Variants in NPR3 observed in about 807,000 individuals in gnomAD.
The protein encoded by NPR3 is natriuretic peptide receptor 3.
A neutral mutation model predicts 54.5 loss-of-function variants in NPR3; 34 were observed. That is an observed-to-expected ratio of 0.62 (90% CI 0.47 to 0.83). The LOEUF (loss-of-function observed/expected upper bound fraction) is 0.83, where lower values mean the gene tolerates loss of function less well. Among genes scored for constraint, NPR3 ranks in the 40% least tolerant of loss-of-function variants. The pLI, the probability that NPR3 is intolerant of heterozygous loss-of-function variation, is 0.00. For synonymous variants in NPR3, 289 were observed against 297.1 expected (o/e 0.97, Z 0.28); for missense variants, 674 against 720.8 (o/e 0.94, Z 0.74).
intron 2 of NPR3, among the ~76,000 whole-genome samples, chr5:32,728,857 A>ATG (rs1739291082): frequency 2.4e-5 from 3 of 125,542 alleles, no homozygotes; most frequent in African/African-American, 1.0e-4. Context: ...ATATATATAT[A>ATG]TATATATATA....
upstream of NPR3, among the ~76,000 whole-genome samples, chr5:32,708,454 T>A (rs956003525): frequency 2.6e-5 from 4 of 152,118 alleles, no homozygotes; most frequent in South Asian, 2.1e-4. Context: ...TATATATATA[T>A]AAAAATTTGA....
chr5:32,693,187 C>T (rs546194231), intron 1 of NPR3, among the ~76,000 whole-genome samples: 13 of 152,052 alleles, frequency 8.5e-5, no homozygotes, highest in African/African-American at 2.2e-4. Flanking sequence ...ATGACTGTAT[C>T]GGAATGTTCT....
At chr5:32,734,729 T>C (rs1317158751) in intron 2 of NPR3, among the ~76,000 whole-genome samples, 1 of 152,248 alleles carries the variant, frequency 6.6e-6, no homozygotes, top group East Asian at 1.9e-4. Flanking sequence ...TGGTAGCCAC[T>C]AGCCACATGT....
intron 1 of NPR3, among the ~76,000 whole-genome samples, chr5:32,714,419 CG>C (rs1738440083): frequency 6.6e-6 from 1 of 151,850 alleles, no homozygotes. Context: ...TGGTGCGCCC[CG>C]GGCTTCTGAG....
At chr5:32,729,562 C>T (rs531485963) in intron 2 of NPR3, among the ~76,000 whole-genome samples, 1 of 152,254 alleles carries the variant, frequency 6.6e-6, no homozygotes, top group African/African-American at 2.4e-5. Flanking sequence ...TGTATGAACA[C>T]CATAGGTTTT....
At chr5:32,723,953 A>G (rs1210613874) in intron 1 of NPR3, among the ~76,000 whole-genome samples, 1 of 151,950 alleles carries the variant, frequency 6.6e-6, no homozygotes, top group Non-Finnish European at 1.5e-5. Context: ...ATCAATCAAT[A>G]TATGTGTACA....
intron 6 of NPR3, chr5:32,783,504 A>G (rs1742446770): frequency 6.5e-6 from 1 of 152,788 alleles, no homozygotes; most frequent in African/African-American, 2.4e-5. Flanking sequence ...GTAGAGAAGC[A>G]ATTGGATGTT....
In NPR3 at chr5:32,712,412, C is replaced by T. The variant is rs2111842714; in HGVS notation, c.636C>T (p.Asn212=). The stretch of plus-strand genomic sequence containing the variant: ...ACAGCGACGACAAGCTGGAGCGGAA[C>T]TGCTACTTCACCCTCGAGGGGGTCC... ...LVYSDDKLER[N]CYFTLEGVHE... is the part of the protein sequence containing the mutation. The change falls in exon 1 of 8, where the codon AAC becomes AAT. Residue 212 remains asparagine, a synonymous_variant. Coordinates refer to ENST00000265074, the MANE Select transcript of NPR3 (RefSeq NM_001204375.2). The T allele has an allele frequency of 7.4e-6, 12 of 1,613,352 alleles. No homozygotes were observed. The highest frequency in any genetic ancestry group is 2.2e-5 in the East Asian group (1 of 44,870).
chr5:32,755,049 A>T (rs1011254481), intron 3 of NPR3, among the ~76,000 whole-genome samples: 1 of 152,062 alleles, frequency 6.6e-6, no homozygotes, highest in South Asian at 2.1e-4. Context: ...TTTAGTAGAG[A>T]TGGGGTTTCA....
intron 2 of NPR3, among the ~76,000 whole-genome samples, chr5:32,729,356 G>A (rs899847479): frequency 6.6e-6 from 1 of 152,040 alleles, no homozygotes; most frequent in Non-Finnish European, 1.5e-5. Context: ...ATCACATGAA[G>A]TCAGGTGTGG....
rs1260688976 is a variant in NPR3, at chr5:32,787,743, A to C, written c.*1398A>C. The C allele has an allele frequency of 6.6e-6, 1 of 152,198 alleles. No individual in the cohort carries two copies. The highest frequency in any genetic ancestry group is 1.5e-5 in the Non-Finnish European group (1 of 68,042). The allele number at this position is 152,198 out of a possible 1,614,324, so 9.4% of individuals were successfully genotyped here. On this transcript the variant is annotated 3_prime_UTR_variant, in exon 8 of 8. Coordinates refer to ENST00000265074, the MANE Select transcript of NPR3 (RefSeq NM_001204375.2). ...ATCTGCTTTGCACCCAGTAGTCTGCAACATGAGTTTAAACTCAGGTTACTA... is the reference window on the plus strand; with the variant it reads ...ATCTGCTTTGCACCCAGTAGTCTGCCACATGAGTTTAAACTCAGGTTACTA...
At chr5:32,742,577 T>G (rs1372420840) in intron 3 of NPR3, among the ~76,000 whole-genome samples, 1 of 152,170 alleles carries the variant, frequency 6.6e-6, no homozygotes, top group African/African-American at 2.4e-5. Flanking sequence ...ATTAAAACTT[T>G]AAATGGCCTT....
intron 3 of NPR3, among the ~76,000 whole-genome samples, chr5:32,739,693 C>T (rs918419175): frequency 6.6e-6 from 1 of 152,136 alleles, no homozygotes; most frequent in Non-Finnish European, 1.5e-5. Flanking sequence ...GGCAGCTGAC[C>T]ACACCTCATT....
At chr5:32,716,382 A>G in intron 1 of NPR3, 1 of 397,330 alleles carries the variant, frequency 2.5e-6, no homozygotes, top group South Asian at 1.7e-5. Flanking sequence ...TTTTTTTTTC[A>G]GTTTTAGGTC....
intron 2 of NPR3, among the ~76,000 whole-genome samples, chr5:32,734,711 G>A (rs2302952): frequency 0.13 from 20,303 of 152,236 alleles, 1,437 homozygotes; most frequent in East Asian, 0.23. Context: ...AGTCTGTGCA[G>A]CCCAATGTGG....
intron 3 of NPR3, among the ~76,000 whole-genome samples, chr5:32,744,492 C>T (rs1740198201): frequency 6.6e-6 from 1 of 152,112 alleles, no homozygotes; most frequent in African/African-American, 2.4e-5. Context: ...TCAAATAACT[C>T]AAGAATTGTA....
chr5:32,748,699 C>T (rs1414586127), intron 3 of NPR3, among the ~76,000 whole-genome samples: 1 of 151,948 alleles, frequency 6.6e-6, no homozygotes, highest in African/African-American at 2.4e-5. Context: ...TGATATAGGG[C>T]AGAGCAAAGC....
chr5:32,705,060 G>C (rs1304427828), upstream of NPR3, among the ~76,000 whole-genome samples: 1 of 152,108 alleles, frequency 6.6e-6, no homozygotes, highest in East Asian at 1.9e-4. Flanking sequence ...GTCTGAATAG[G>C]ATTCAATTTG....
intron 3 of NPR3, among the ~76,000 whole-genome samples, chr5:32,772,494 T>A (rs906308949): frequency 6.6e-6 from 1 of 152,192 alleles, no homozygotes; most frequent in Non-Finnish European, 1.5e-5. Flanking sequence ...ACTGCACTTG[T>A]CATACTGGGA....
Sources: gnomAD v4.1 joint callset for allele counts (sites outside exome capture counted in the v4.1 genomes callset) on GRCh38, gnomAD v4.1.1 for gene constraint, MANE v1.5 for transcripts, NCBI Gene and HGNC (gene_info 2026-07-23, HGNC 2026-07-21) for gene names.